Variants in NUMA1 observed in about 807,000 individuals in gnomAD.
The protein encoded by NUMA1 is SP-H antigen.
NUMA1 carries 62 observed loss-of-function variants against 237.1 expected under a neutral mutation model. The ratio of observed to expected loss-of-function variants is 0.26; its 90% CI spans 0.21 to 0.32. The LOEUF is 0.32. Among genes scored for constraint, NUMA1 ranks in the 10% least tolerant of loss-of-function variants. The probability of loss-of-function intolerance (pLI) is 1.00; values close to 1 mark genes in which losing one functional copy is unlikely to be tolerated. For missense variants in NUMA1, 2,533 were observed against 2,666.5 expected (o/e 0.95, Z 1.10); for synonymous variants, 1,028 against 1,066.1 (o/e 0.96, Z 0.70).
Position 72,006,022 on chromosome 11 carries a change from G to A in NUMA1, c.5692+13C>T. 1.3e-6 allele frequency: 2 copies of A among 1,598,354 alleles called. No individual in the cohort carries two copies. The highest frequency in any genetic ancestry group is 1.7e-6 in the Non-Finnish European group (2 of 1,167,434). ...TAATTTTGGGGTATAGTAAGTCCCT[G>A]TAGTCCCCTCACCTGGAGGGGCCCC... is the stretch of plus-strand genomic sequence containing the variant. On this transcript the variant is annotated intron_variant, in intron 22 of 26. Transcript: ENST00000393695.
intron 2 of NUMA1, among the ~76,000 whole-genome samples, chr11:72,060,505 T>G (rs1367033761): frequency 6.6e-6 from 1 of 152,120 alleles, no homozygotes; most frequent in Non-Finnish European, 1.5e-5. Flanking sequence ...TAGCCAGTTG[T>G]GGTGGCATGC....
At position 72,007,347 on chromosome 11, in the gene NUMA1, ATTC is replaced by A; in HGVS notation, c.5302_5304del (p.Glu1768del). The stretch of plus-strand genomic sequence containing the variant: ...GGAGTGAAGTAGAGACTCTCCAGGG[ATTC>A]TACCTTGGGGGGCAGGCGCTGGGAG... On this transcript the variant is annotated inframe_deletion, in exon 21 of 27. Coordinates refer to ENST00000393695, the MANE Select transcript of NUMA1 (RefSeq NM_006185.4). 6.2e-7 allele frequency: 1 copy of A among 1,613,592 alleles called. No individual in the cohort carries two copies.
At chr11:72,075,906 T>C (rs1943683612) in intron 1 of NUMA1, among the ~76,000 whole-genome samples, 1 of 152,158 alleles carries the variant, frequency 6.6e-6, no homozygotes, top group Non-Finnish European at 1.5e-5. Context: ...AACACCCTCA[T>C]AGGTTCAGAA....
chr11:72,009,445 T>C (rs946332432), intron 17 of NUMA1, 58 bp from the exon 18 acceptor site: 5 of 1,532,350 alleles, frequency 3.3e-6, no homozygotes, highest in East Asian at 4.5e-5. Flanking sequence ...AGTCCGCTTA[T>C]CTGCACCAGC....
Position 72,013,281 on chromosome 11 carries a change from C to G in NUMA1, c.4222G>C (p.Glu1408Gln). The change falls in exon 15 of 27, where the codon GAG becomes CAG. Residue 1408 changes from glutamate to glutamine, a missense_variant. Glu to Gln is a conservative substitution (Grantham distance 29). Transcript: ENST00000393695. The surrounding 1 kb of genome is among the most constrained non-coding windows in gnomAD (Gnocchi z 6.8). ...ACCTTCTGCCGCAGAGGAATCAGCT[C>G]CCCAAGCTCCCGCTGGGCCCGCAGC... ...ELLRAQRELGELIPLRQKVAE... is the reference protein window; with the variant it reads ...ELLRAQRELGQLIPLRQKVAE... The G allele has an allele frequency of 6.2e-7, 1 of 1,604,342 alleles. No individual in the cohort carries two copies. The highest frequency in any genetic ancestry group is 8.5e-7 in the Non-Finnish European group (1 of 1,179,788).
chr11:72,023,674 G>A (rs1939201346), intron 5 of NUMA1, among the ~76,000 whole-genome samples: 1 of 152,152 alleles, frequency 6.6e-6, no homozygotes, highest in African/African-American at 2.4e-5. Flanking sequence ...TCAAAGACGA[G>A]GACTCTGTGG....
chr11:72,074,689 T>C (rs1263076725), intron 1 of NUMA1, among the ~76,000 whole-genome samples: 4 of 152,010 alleles, frequency 2.6e-5, no homozygotes, highest in Non-Finnish European at 4.4e-5. Flanking sequence ...CAGTGAGCTA[T>C]GATGACGCCA....
Position 72,012,433 on chromosome 11 carries a change from G to T in NUMA1, c.4618C>A (p.Leu1540Ile). Residue 1540 changes from leucine to isoleucine, a missense_variant, in exon 16 of 27, where the codon CTA becomes ATA. This residue lies in a region of NUMA1 where 324 missense variants were observed against 407.6 expected (regional missense o/e 0.79). Coordinates refer to ENST00000393695, the MANE Select transcript of NUMA1 (RefSeq NM_006185.4). ...GTTTGCTCTCTCTGAAATACCTCTA[G>T]CTGCTCCACCTGTACATGGGGGAGG... ...RQKLTAQVEQ[L>I]EVFQREQTKQ... 1 of 1,613,044 alleles carries T rather than the reference G, an allele frequency of 6.2e-7. No homozygotes were observed. Among genetic ancestry groups the T allele is most frequent in the Non-Finnish European group, 8.5e-7 (1 of 1,179,520 alleles).
chr11:72,049,583 A>ATATATATATATATATATATATATC (rs71052844), intron 2 of NUMA1: 1 of 22,556 alleles, frequency 4.4e-5, no homozygotes, highest in Non-Finnish European at 1.7e-4. Flanking sequence ...ATATATATAT[A>ATATATATATATATATATATATATC]GTGTGTGTGT....
At position 72,027,815 on chromosome 11, in the gene NUMA1, G is replaced by A. The variant is rs569375620; in HGVS notation, c.128+1390C>T. Among the ~76,000 whole-genome samples, 10 of 152,336 alleles carry A rather than the reference G, an allele frequency of 6.6e-5. No homozygotes were observed. In the South Asian group the frequency reaches 2.1e-3, roughly 32 times the overall value. On this transcript the variant is annotated intron_variant, in intron 4 of 26. Transcript: ENST00000393695. ...GCAGATTAGAGAAGAACTAGGCCAT[G>A]AGGGCCTAGTATCCAGAATGAGGCA...
chr11:72,032,367 G>A (rs1007763304), intron 3 of NUMA1, among the ~76,000 whole-genome samples: 1 of 152,142 alleles, frequency 6.6e-6, no homozygotes, highest in Admixed American at 6.5e-5. Flanking sequence ...TTCAGGCCAA[G>A]ATTCCATTTT....
chr11:72,077,763 G>A lies in NUMA1; in HGVS notation c.-103+2695C>T, dbSNP rs371438738. On this transcript the variant is annotated intron_variant, in intron 1 of 26. Coordinates refer to ENST00000393695, the MANE Select transcript of NUMA1 (RefSeq NM_006185.4). ...TGGGAGGCGGAGCTTGCAGTGAGCC[G>A]AGACTGTGCCACTGCACTCCAGCCT... 5.6e-4 allele frequency among the ~76,000 whole-genome samples: 81 copies of A among 145,434 alleles called. 1 individual carries two copies. In the Middle Eastern group the frequency reaches 0.016, roughly 28 times the overall value.
chr11:72,005,912 T>G (rs1590858242), intron 22 of NUMA1, 123 bp downstream of exon 22: 35 of 785,634 alleles, frequency 4.5e-5, no homozygotes, highest in East Asian at 2.6e-5. Flanking sequence ...GAGGGGCAGG[T>G]GGAGCTGGAT....
At chr11:72,065,904 G>A (rs1183759394) in intron 2 of NUMA1, 1 of 152,194 alleles carries the variant, frequency 6.6e-6, no homozygotes, top group Non-Finnish European at 1.5e-5. Context: ...ATATAACTGA[G>A]GAATCAAGTT....
chr11:72,079,309 G>A (rs551730611), intron 1 of NUMA1, among the ~76,000 whole-genome samples: 82 of 152,220 alleles, frequency 5.4e-4, no homozygotes, highest in African/African-American at 1.7e-3. Context: ...TTGGGAAGCC[G>A]AGGCGGGCGG....
At chr11:72,078,826 C>T (rs992688822) in intron 1 of NUMA1, among the ~76,000 whole-genome samples, 2 of 145,522 alleles carry the variant, frequency 1.4e-5, no homozygotes, top group Non-Finnish European at 2.9e-5. Context: ...AGCTACCTTA[C>T]ATGATCCTCA....
chr11:72,056,868 G>T (rs1942683024), intron 2 of NUMA1, among the ~76,000 whole-genome samples: 1 of 151,928 alleles, frequency 6.6e-6, no homozygotes, highest in Admixed American at 6.6e-5. Context: ...AGGACTGGAA[G>T]TAACAGAAGC....
rs1306702589 is a variant in NUMA1, at chr11:72,042,617, G to A, written c.-32-6642C>T. Among the ~76,000 whole-genome samples, 3 of 152,170 alleles carry A rather than the reference G, an allele frequency of 2.0e-5. No individual in the cohort carries two copies. The South Asian group carries it at 6.2e-4, about 32-fold the overall frequency. On this transcript the variant is annotated intron_variant, in intron 2 of 26. Transcript: ENST00000393695. ...GGAGAAAGGGCTTGAAGAGTGAGGT[G>A]GGGTCAGAGAGCTAGGAGAATCTTG...
intron 13 of NUMA1, 178 bp downstream of exon 13, chr11:72,017,509 A>T: frequency 1.4e-6 from 1 of 702,874 alleles, no homozygotes; most frequent in Non-Finnish European, 2.4e-6. Context: ...AAAAAAAAAT[A>T]AGTTAAAAAA....
Sources: allele counts gnomAD v4.1 joint callset (sites outside exome capture counted in the v4.1 genomes callset), GRCh38; gene constraint gnomAD v4.1.1; regional missense constraint gnomAD v4.1.1; non-coding constraint Gnocchi (gnomAD v3.1); transcripts MANE v1.5; gene names NCBI Gene and HGNC (gene_info 2026-07-23, HGNC 2026-07-21).